Variants in DNAH8 observed in about 807,000 individuals in gnomAD.
The protein encoded by DNAH8 is axonemal beta dynein heavy chain 8.
A neutral mutation model predicts 562.1 loss-of-function variants in DNAH8; 382 were observed. The observed-to-expected ratio is 0.68, with a 90% CI of 0.63 to 0.74. The LOEUF is 0.74. Ranked by LOEUF, DNAH8 falls within the 30% of genes least tolerant of loss-of-function variation. The pLI is 0.00. For synonymous variants in DNAH8, 1,881 were observed against 1,919.4 expected (o/e 0.98, Z 0.52); for missense variants, 5,203 against 5,620.4 (o/e 0.93, Z 2.37).
intron 77 of DNAH8, 61 bp downstream of exon 77, chr6:38,935,758 C>A (rs1393935556): frequency 3.3e-6 from 4 of 1,202,962 alleles, no homozygotes; most frequent in Admixed American, 1.9e-5. Flanking sequence ...CATTTACACT[C>A]TTTTCAATGC....
intron 48 of DNAH8, among the ~76,000 whole-genome samples, chr6:38,869,735 C>T (rs958464725): frequency 6.6e-6 from 1 of 152,132 alleles, no homozygotes; most frequent in African/African-American, 2.4e-5. Flanking sequence ...GTTGGGACTA[C>T]AAATTATCAT....
At chr6:38,877,839 G>A (rs924536338) in intron 53 of DNAH8, among the ~76,000 whole-genome samples, 2 of 152,188 alleles carry the variant, frequency 1.3e-5, no homozygotes, top group Non-Finnish European at 2.9e-5. Context: ...TGGACAAAAT[G>A]TGTAAGACGG....
intron 30 of DNAH8, among the ~76,000 whole-genome samples, chr6:38,831,576 A>G (rs1050701237): frequency 3.9e-5 from 6 of 152,154 alleles, no homozygotes; most frequent in African/African-American, 1.4e-4. Context: ...TTGAGGTAAT[A>G]TATGTTCCAA....
At chr6:38,788,583 T>C (rs547515661) in intron 18 of DNAH8, among the ~76,000 whole-genome samples, 10 of 152,370 alleles carry the variant, frequency 6.6e-5, no homozygotes, top group East Asian at 3.9e-4. Flanking sequence ...TTGCATACTT[T>C]CGTTCAGCAG....
chr6:38,717,904 C>T (rs796454811), intron 1 of DNAH8, among the ~76,000 whole-genome samples: 3 of 152,064 alleles, frequency 2.0e-5, no homozygotes, highest in African/African-American at 4.8e-5. Context: ...GCATATTAAA[C>T]CTTCTTAAAG....
intron 24 of DNAH8, among the ~76,000 whole-genome samples, chr6:38,812,810 G>A (rs1175730103): frequency 1.3e-5 from 2 of 151,930 alleles, no homozygotes; most frequent in African/African-American, 2.4e-5. Context: ...CAGTATTCAC[G>A]TGCCGTATCT....
intron 82 of DNAH8, chr6:38,953,042 A>G (rs1249736430): frequency 6.6e-6 from 1 of 152,028 alleles, no homozygotes; most frequent in African/African-American, 2.4e-5. Context: ...CTCTCTTAAC[A>G]CTTACCATTC....
At chr6:38,938,672 C>A in intron 78 of DNAH8, 126 bp from the exon 79 acceptor site, 1 of 657,670 alleles carries the variant, frequency 1.5e-6, no homozygotes, top group Non-Finnish European at 2.6e-6. Context: ...ATGAATTAAT[C>A]TGTGCAACAA....
Position 38,883,972 on chromosome 6 carries a change from C to T in DNAH8, c.8233C>T (p.Pro2745Ser). ...TGTATTTATTGATGATATTAATATG[C>T]CTGTGATTAATGAGTGGGGAGATCA... ...MTVFIDDINM[P>S]VINEWGDQIT... The change falls in exon 56 of 93, where the codon CCT becomes TCT. Residue 2745 changes from proline to serine, a missense_variant. Pro to Ser is a moderately conservative substitution (Grantham distance 74). Transcript: ENST00000327475. 3 of 1,574,166 alleles carry T rather than the reference C, an allele frequency of 1.9e-6. No homozygotes were observed. Among genetic ancestry groups the T allele is most frequent in the South Asian group, 1.2e-5 (1 of 84,308 alleles).
chr6:39,010,745 G>A (rs1443839248), intron 89 of DNAH8, among the ~76,000 whole-genome samples: 2 of 150,506 alleles, frequency 1.3e-5, no homozygotes, highest in Non-Finnish European at 3.0e-5. Flanking sequence ...GATTTAAAGG[G>A]AATTATATAT....
intron 62 of DNAH8, among the ~76,000 whole-genome samples, chr6:38,901,680 T>C (rs1424870558): frequency 6.6e-6 from 1 of 152,204 alleles, no homozygotes; most frequent in African/African-American, 2.4e-5. Flanking sequence ...TTTATTTCCG[T>C]ATAAAATTTA....
chr6:38,747,378 CTTTTTCTTTTTTTT>C (rs1765034638), intron 8 of DNAH8, among the ~76,000 whole-genome samples: 1 of 102,136 alleles, frequency 9.8e-6, no homozygotes, highest in Non-Finnish European at 2.2e-5. Context: ...TTCTTTTTTT[CTTTTTCTTTTTTTT>C]TTTTTTTTTT....
In DNAH8 at chr6:38,828,288, TGTAA is replaced by T. The variant is rs1398570353; in HGVS notation, c.4188+4_4188+7del. ...CTTTCAACAAATTGCAGAGCAAAGCTGTAAGTATGAATTTAACTACATTATTTTT... is the reference window on the plus strand; with the variant it reads ...CTTTCAACAAATTGCAGAGCAAAGCTGTATGAATTTAACTACATTATTTTT... On this transcript the variant is annotated splice_donor_variant and splice_donor_region_variant and intron_variant, in intron 30 of 92. Coordinates refer to ENST00000327475, the MANE Select transcript of DNAH8 (RefSeq NM_001206927.2). LOFTEE classifies it high-confidence loss of function. The T allele has an allele frequency of 8.5e-6, 13 of 1,530,764 alleles. No individual in the cohort carries two copies. The highest frequency in any genetic ancestry group is 1.1e-5 in the Non-Finnish European group (12 of 1,129,932). 94.8% of individuals were successfully genotyped at this position (1,530,764 alleles called of 1,614,324 possible).
chr6:38,951,294 C>G, intron 81 of DNAH8, 24 bp from the exon 82 acceptor site: 1 of 1,601,616 alleles, frequency 6.2e-7, no homozygotes, highest in Non-Finnish European at 8.6e-7. Flanking sequence ...TAGTTTATTT[C>G]GCCTAACTTG....
At chr6:38,719,479 G>A (rs1396768216) in intron 1 of DNAH8, among the ~76,000 whole-genome samples, 2 of 152,080 alleles carry the variant, frequency 1.3e-5, no homozygotes, top group Admixed American at 1.3e-4. Context: ...GTGTGAACAT[G>A]AGGTATTTGG....
At chr6:38,807,507 TG>T in intron 23 of DNAH8, 102 bp from the exon 24 acceptor site, 1 of 464,754 alleles carries the variant, frequency 2.2e-6, no homozygotes, top group Non-Finnish European at 3.8e-6. Flanking sequence ...GTTTATTATT[TG>T]TTGCCTTTCA....
intron 5 of DNAH8, among the ~76,000 whole-genome samples, chr6:38,734,988 G>A (rs1190056319): frequency 2.0e-5 from 3 of 152,164 alleles, no homozygotes; most frequent in Admixed American, 2.0e-4. Flanking sequence ...CCTGGACATT[G>A]CTAAGCTAGT....
chr6:38,986,006 T>G (rs1764367919), intron 87 of DNAH8, among the ~76,000 whole-genome samples: 1 of 152,198 alleles, frequency 6.6e-6, no homozygotes, highest in Non-Finnish European at 1.5e-5. Flanking sequence ...AGATAAGATG[T>G]GGTGGGTGAG....
intron 92 of DNAH8, among the ~76,000 whole-genome samples, chr6:39,029,493 T>C (rs1767524741): frequency 1.3e-5 from 2 of 152,126 alleles, no homozygotes; most frequent in Admixed American, 1.3e-4. Context: ...ATGCATCTTA[T>C]CTCCCTGATT....
Sources: gnomAD v4.1 joint callset for allele counts (sites outside exome capture counted in the v4.1 genomes callset) on GRCh38, gnomAD v4.1.1 for gene constraint, MANE v1.5 for transcripts, NCBI Gene and HGNC (gene_info 2026-07-23, HGNC 2026-07-21) for gene names.